TBC1D16: variants seen among roughly 807,000 people sequenced by gnomAD.
TBC1D16 encodes the protein CTD-2529O21.1.
A neutral mutation model predicts 74.7 loss-of-function variants in TBC1D16; 58 were observed. The observed-to-expected ratio is 0.78, with a 90% confidence interval of 0.63 to 0.97. The LOEUF (loss-of-function observed/expected upper bound fraction) is 0.97, where lower values mean the gene tolerates loss of function less well. Among genes scored for constraint, TBC1D16 ranks in the 50% least tolerant of loss-of-function variants. The pLI, the probability that TBC1D16 is intolerant of heterozygous loss-of-function variation, is 0.00. For synonymous variants in TBC1D16, 493 were observed against 474.7 expected (o/e 1.04, Z -0.50); for missense variants, 1,014 against 1,079.5 (o/e 0.94, Z 0.85).
chr17:80,010,319 C>A lies in TBC1D16; in HGVS notation c.620G>T (p.Gly207Val), dbSNP rs1188675645. The A allele has an allele frequency of 6.2e-7, 1 of 1,611,506 alleles. No individual in the cohort carries two copies. Residue 207 changes from glycine to valine, a missense_variant, in exon 3 of 12, where the codon GGG becomes GTG. Gly to Val is a moderately radical substitution (Grantham distance 109). Coordinates refer to ENST00000310924, the MANE Select transcript of TBC1D16 (RefSeq NM_019020.4). This position sits in a 1 kb window ranked among gnomAD's most constrained non-coding sequence, Gnocchi z 8.8. ...EEGREPRPEA[G>V]EEDGSLELSA... Reference sequence around the variant, plus strand: ...CAGTTCCAAAGAGCCATCCTCCTCCCCGGCCTCGGGCCGCGGCTCCCGCCC... The same window carrying A: ...CAGTTCCAAAGAGCCATCCTCCTCCACGGCCTCGGGCCGCGGCTCCCGCCC...
At chr17:80,003,758 A>G (rs1307867074) in intron 3 of TBC1D16, among the ~76,000 whole-genome samples, 2 of 152,154 alleles carry the variant, frequency 1.3e-5, no homozygotes, top group Non-Finnish European at 2.9e-5. Context: ...ATCCACATTT[A>G]TATTCATCAG....
intron 3 of TBC1D16, among the ~76,000 whole-genome samples, chr17:79,974,188 G>T (rs897110941): frequency 6.6e-6 from 1 of 152,164 alleles, no homozygotes. Context: ...TACCAGAATG[G>T]CATGCAATTT....
intron 3 of TBC1D16, among the ~76,000 whole-genome samples, chr17:79,965,377 T>C (rs2033799769): frequency 6.6e-6 from 1 of 152,168 alleles, no homozygotes. Context: ...CCACCGCGCC[T>C]GGCCTGTACT....
In TBC1D16 at chr17:79,938,692, T is replaced by C. The variant is rs2031774332; in HGVS notation, c.*2167A>G. 1 of 152,300 alleles carries C rather than the reference T, an allele frequency of 6.6e-6. No individual in the cohort carries two copies. The highest frequency in any genetic ancestry group is 1.5e-5 in the Non-Finnish European group (1 of 68,116). The allele number at this position is 152,300 out of a possible 1,614,324, so 9.4% of individuals were successfully genotyped here. A position where few individuals can be genotyped will look rare whatever the true frequency, so the allele number is the denominator to read the frequency against. On this transcript the variant is annotated 3_prime_UTR_variant, in exon 12 of 12. Coordinates refer to ENST00000310924, the MANE Select transcript of TBC1D16 (RefSeq NM_019020.4). Reference sequence around the variant, plus strand: ...TTCTCAGCCTACTGCCACCCGACTGTGCAGAGCGGACAATAAAGTGGCAGG... The same window carrying C: ...TTCTCAGCCTACTGCCACCCGACTGCGCAGAGCGGACAATAAAGTGGCAGG...
intron 3 of TBC1D16, among the ~76,000 whole-genome samples, chr17:79,995,320 A>G (rs2035229999): frequency 6.6e-6 from 1 of 151,960 alleles, no homozygotes; most frequent in South Asian, 2.1e-4. Flanking sequence ...AATTGTACCT[A>G]TAAGACCCAC....
intron 3 of TBC1D16, among the ~76,000 whole-genome samples, chr17:79,959,354 A>G (rs1409327212): frequency 3.9e-5 from 6 of 152,342 alleles, no homozygotes; most frequent in East Asian, 1.9e-4. Context: ...CACAAGCCCA[A>G]TCAAAATTCC....
At position 80,010,109 on chromosome 17, in the gene TBC1D16, G is replaced by A. The variant is rs1217391397; in HGVS notation, c.779+51C>T. The A allele has an allele frequency of 6.8e-7, 1 of 1,480,144 alleles. No individual in the cohort carries two copies. Among genetic ancestry groups the A allele is most frequent in the East Asian group, 2.3e-5 (1 of 43,548 alleles). 91.7% of individuals were successfully genotyped at this position (1,480,144 alleles called of 1,614,324 possible). A position where few individuals can be genotyped will look rare whatever the true frequency, so the allele number is the denominator to read the frequency against. On this transcript the variant is annotated intron_variant, in intron 3 of 11. Coordinates refer to ENST00000310924, the MANE Select transcript of TBC1D16 (RefSeq NM_019020.4). This position sits in a 1 kb window ranked among gnomAD's most constrained non-coding sequence, Gnocchi z 8.8. Reference sequence around the variant, plus strand: ...ACGCAGGTGAGTGCTTCCTGCCCAGGTCAGGCCTTGGGGGCCTCCCGAGAG... The same window carrying A: ...ACGCAGGTGAGTGCTTCCTGCCCAGATCAGGCCTTGGGGGCCTCCCGAGAG...
chr17:79,957,599 A>G (rs1393505824), intron 3 of TBC1D16, among the ~76,000 whole-genome samples: 2 of 152,206 alleles, frequency 1.3e-5, no homozygotes, highest in African/African-American at 4.8e-5. Context: ...ACACACCGGC[A>G]TGACACCAGA....
chr17:79,964,271 C>T (rs755298989), intron 3 of TBC1D16, among the ~76,000 whole-genome samples: 1 of 152,126 alleles, frequency 6.6e-6, no homozygotes, highest in African/African-American at 2.4e-5. Flanking sequence ...CCACCATATC[C>T]GGCCAGTTGT....
At chr17:79,960,784 A>G in intron 3 of TBC1D16, among the ~76,000 whole-genome samples, 1 of 106,806 alleles carries the variant, frequency 9.4e-6, no homozygotes, top group Non-Finnish European at 1.9e-5. Flanking sequence ...AAACCCAAAA[A>G]AAAAAAAAAA....
chr17:79,951,845 G>C (rs1157728114), intron 4 of TBC1D16: 1 of 402,992 alleles, frequency 2.5e-6, no homozygotes, highest in African/African-American at 2.0e-5. Context: ...AGACCTGCCA[G>C]AGTGGCCTTC....
At position 79,944,215 on chromosome 17, in the gene TBC1D16, G is replaced by A. The variant is rs2032305734; in HGVS notation, c.1908+693C>T. The A allele has an allele frequency of 7.0e-7, 1 of 1,430,472 alleles. No homozygotes were observed. Among genetic ancestry groups the A allele is most frequent in the African/African-American group, 1.4e-5 (1 of 71,098 alleles). 88.6% of individuals were successfully genotyped at this position (1,430,472 alleles called of 1,614,324 possible). A position where few individuals can be genotyped will look rare whatever the true frequency, so the allele number is the denominator to read the frequency against. On this transcript the variant is annotated intron_variant, in intron 10 of 11. Transcript: ENST00000310924. This position sits in a 1 kb window ranked among gnomAD's most constrained non-coding sequence, Gnocchi z 7.7. ...GACGGAGGCTGCTGGAGCTGCCGTG[G>A]TGGATAGAGCCAGCTCCTGCAAAAG...
Position 80,007,373 on chromosome 17 carries a change from C to T in TBC1D16, c.779+2787G>A, listed in dbSNP as rs2035716417. Among the ~76,000 whole-genome samples, 1 of 152,246 alleles carries T rather than the reference C, an allele frequency of 6.6e-6. No homozygotes were observed. The highest frequency in any genetic ancestry group is 6.5e-5 in the Admixed American group (1 of 15,288). Reference sequence around the variant, plus strand: ...CAAGGGGGTTCTTGGCCGCACTTCACACCCGTGAGGCATCTGCGTTTTGGA... The same window carrying T: ...CAAGGGGGTTCTTGGCCGCACTTCATACCCGTGAGGCATCTGCGTTTTGGA... On this transcript the variant is annotated intron_variant, in intron 3 of 11. Transcript: ENST00000310924. The surrounding 1 kb of genome is among the most constrained non-coding windows in gnomAD (Gnocchi z 4.5).
At chr17:79,977,699 C>T (rs982440239) in intron 3 of TBC1D16, among the ~76,000 whole-genome samples, 1 of 152,264 alleles carries the variant, frequency 6.6e-6, no homozygotes, top group Non-Finnish European at 1.5e-5. Flanking sequence ...AAAACTGAAG[C>T]ACGTCTGGCA....
intron 3 of TBC1D16, chr17:79,992,367 C>T (rs2035100522): frequency 6.6e-6 from 1 of 152,248 alleles, no homozygotes; most frequent in Non-Finnish European, 1.5e-5. Context: ...CCGTGACCCA[C>T]ATCAAACTGT....
Position 80,015,960 on chromosome 17 carries a change from G to A in TBC1D16, c.-62-2351C>T, listed in dbSNP as rs149431414. ...CAGGAGGTGGAGGTTTCAGTGAGCC[G>A]AGATCACGCCACTGCACTCCAGCCT... On this transcript the variant is annotated intron_variant, in intron 1 of 11. Transcript: ENST00000310924. 1.8e-3 allele frequency among the ~76,000 whole-genome samples: 262 copies of A among 142,844 alleles called. 2 individuals are homozygous for A. In the East Asian group the frequency reaches 0.046, roughly 25 times the overall value. 93.7% of individuals were successfully genotyped at this position (142,844 alleles called of 152,430 possible).
At chr17:79,951,344 CCCCGGGG>C in intron 5 of TBC1D16, 99 bp downstream of exon 5, 11 of 1,405,070 alleles carry the variant, frequency 7.8e-6, no homozygotes, top group Non-Finnish European at 1.1e-5. Context: ...CCCCGTAAGC[CCCCGGGG>C]CCCGGGGACC....
rs751424680 is a variant in TBC1D16 at position 80,000,134 on chromosome 17, C to T, written c.779+10026G>A. Among the ~76,000 whole-genome samples the T allele has an allele frequency of 3.9e-5, 6 of 152,154 alleles. No individual in the cohort carries two copies. The highest frequency in any genetic ancestry group is 1.2e-4 in the African/African-American group (5 of 41,436). On this transcript the variant is annotated intron_variant, in intron 3 of 11. Transcript: ENST00000310924. This position sits in a 1 kb window ranked among gnomAD's most constrained non-coding sequence, Gnocchi z 4.1. ...AGCTCTGCGTCACCCTTTCCTAAAACGGGGTGATGACCACACTGATGTCGG... is the reference window on the plus strand; with the variant it reads ...AGCTCTGCGTCACCCTTTCCTAAAATGGGGTGATGACCACACTGATGTCGG...
intron 3 of TBC1D16, among the ~76,000 whole-genome samples, chr17:80,004,887 CT>C (rs1487278979): frequency 6.6e-6 from 1 of 152,202 alleles, no homozygotes; most frequent in Non-Finnish European, 1.5e-5. Context: ...GTTGACCACG[CT>C]GGCCTCCAAC....
Sources: gnomAD v4.1 joint callset for allele counts (sites outside exome capture counted in the v4.1 genomes callset) on GRCh38, gnomAD v4.1.1 for gene constraint, Gnocchi (gnomAD v3.1) non-coding constraint, MANE v1.5 for transcripts, NCBI Gene and HGNC (gene_info 2026-07-23, HGNC 2026-07-21) for gene names.